SEC13: variants seen among roughly 807,000 people sequenced by gnomAD.
The protein encoded by SEC13 is SEC13 homolog, nuclear pore and COPII component.
In SEC13, 25 loss-of-function variants were observed where a neutral mutation model predicts 49.2. The observed-to-expected ratio is 0.51, with a 90% confidence interval of 0.37 to 0.71. The LOEUF is 0.71. Among genes scored for constraint, SEC13 ranks in the 30% least tolerant of loss-of-function variants. The pLI, the probability that SEC13 is intolerant of heterozygous loss-of-function variation, is 0.00. For synonymous variants in SEC13, 148 were observed against 163.9 expected (o/e 0.90, Z 0.74); for missense variants, 383 against 417.6 (o/e 0.92, Z 0.72).
intron 7 of SEC13, 113 bp from the exon 8 acceptor site, chr3:10,304,285 G>T (rs1417322829): frequency 1.9e-6 from 2 of 1,079,264 alleles, no homozygotes; most frequent in Non-Finnish European, 2.7e-6. Flanking sequence ...CAGGGTGGGG[G>T]ATTCAAAGGG....
chr3:10,310,215 G>T (rs1363745885), intron 5 of SEC13, among the ~76,000 whole-genome samples: 1 of 152,230 alleles, frequency 6.6e-6, no homozygotes, highest in Non-Finnish European at 1.5e-5. Context: ...TAAGGGCCGG[G>T]TGTGGTGGCT....
At chr3:10,308,378 ATTTTG>A (rs1701021716) in intron 5 of SEC13, among the ~76,000 whole-genome samples, 1 of 151,820 alleles carries the variant, frequency 6.6e-6, no homozygotes, top group Admixed American at 6.6e-5. Flanking sequence ...TCTTCATCTT[ATTTTG>A]TTAAGTCATT....
At chr3:10,319,069 CTT>C (rs2059716010) in intron 1 of SEC13, 1 of 1,404,992 alleles carries the variant, frequency 7.1e-7, no homozygotes, top group Admixed American at 2.4e-5. Context: ...CTCAACCACT[CTT>C]CTCTTAAATT....
At chr3:10,303,508 G>T (rs376545524) in intron 8 of SEC13, 1 of 199,156 alleles carries the variant, frequency 5.0e-6, no homozygotes, top group East Asian at 1.3e-4. Context: ...TCCCTGAGCA[G>T]CTGGTCTCCA....
intron 8 of SEC13, among the ~76,000 whole-genome samples, chr3:10,302,029 G>A (rs1348237033): frequency 6.6e-6 from 1 of 152,056 alleles, no homozygotes; most frequent in Non-Finnish European, 1.5e-5. Flanking sequence ...ATCACCTGAG[G>A]CCAGGAGTTC....
In SEC13 at chr3:10,302,426, C is replaced by T. The variant is rs566340497; in HGVS notation, c.856-1052G>A. 2.6e-5 allele frequency among the ~76,000 whole-genome samples: 4 copies of T among 152,226 alleles called. 1 individual carries two copies. Among genetic ancestry groups the T allele is most frequent in the African/African-American group, 9.6e-5 (4 of 41,522 alleles). On this transcript the variant is annotated intron_variant, in intron 8 of 8. Coordinates refer to ENST00000350697, the MANE Select transcript of SEC13 (RefSeq NM_183352.3). The stretch of plus-strand genomic sequence containing the variant: ...TTAGGTAAGGGTGCTATGGAGACAG[C>T]GAAAGGAAACAGGCTTGTAAAGAAG...
At chr3:10,311,732 C>A in intron 5 of SEC13, 1 of 1,385,724 alleles carries the variant, frequency 7.2e-7, no homozygotes, top group Non-Finnish European at 9.4e-7. Context: ...GCTGCTGCAC[C>A]AGCCCTCCCC....
chr3:10,301,807 A>G (rs1187631682), intron 8 of SEC13, among the ~76,000 whole-genome samples: 1 of 152,182 alleles, frequency 6.6e-6, no homozygotes, highest in Admixed American at 6.5e-5. Context: ...AGGTTTAACA[A>G]CACTGCAGTT....
chr3:10,304,150 G>A lies in SEC13; in HGVS notation c.731C>T (p.Thr244Ile). The change falls in exon 8 of 9, where the codon ACC becomes ATC. Residue 244 changes from threonine to isoleucine, a missense_variant. Coordinates refer to ENST00000350697, the MANE Select transcript of SEC13 (RefSeq NM_183352.3). ...CSQDGRVFIW[T>I]CDDASSNTWS... ...CGTATTGCTTGAGGCATCATCACAG[G>A]TCCAAATGAACACACGACCATCCTA... The A allele has an allele frequency of 6.2e-7, 1 of 1,614,112 alleles. No individual in the cohort carries two copies.
Position 10,315,440 on chromosome 3 carries a change from C to A in SEC13, c.49-4G>T. 1 of 1,285,620 alleles carries A rather than the reference C, an allele frequency of 7.8e-7. No homozygotes were observed. The highest frequency in any genetic ancestry group is 1.0e-6 in the Non-Finnish European group (1 of 974,478). 79.6% of individuals were successfully genotyped at this position (1,285,620 alleles called of 1,614,324 possible). A position where few individuals can be genotyped will look rare whatever the true frequency, so the allele number is the denominator to read the frequency against. ...AGTAGTCCATCTGGGCGTCGTGCTGCAAAGGGAGGACAGCTCGGGAAGCCT... is the reference window on the plus strand; with the variant it reads ...AGTAGTCCATCTGGGCGTCGTGCTGAAAAGGGAGGACAGCTCGGGAAGCCT... On this transcript the variant is annotated splice_region_variant and splice_polypyrimidine_tract_variant and intron_variant, in intron 2 of 8. Coordinates refer to ENST00000350697, the MANE Select transcript of SEC13 (RefSeq NM_183352.3).
chr3:10,305,862 CAACA>C (rs1700842632), intron 5 of SEC13, 170 bp from the exon 6 acceptor site: 4 of 607,322 alleles, frequency 6.6e-6, no homozygotes, highest in South Asian at 2.6e-5. Flanking sequence ...TCAAGGATCC[CAACA>C]GTGTGTGCAT....
chr3:10,313,091 G>C, intron 3 of SEC13: 1 of 243,870 alleles, frequency 4.1e-6, no homozygotes, highest in Non-Finnish European at 8.3e-6. Flanking sequence ...GAAGTGTTCA[G>C]GAAATATTTG....
chr3:10,301,421 C>T (rs747281275), intron 8 of SEC13, 47 bp from the exon 9 acceptor site: 3 of 1,611,178 alleles, frequency 1.9e-6, no homozygotes, highest in Non-Finnish European at 2.5e-6. Context: ...GTGCCCTTCC[C>T]TCTGCTGTCC....
intron 5 of SEC13, among the ~76,000 whole-genome samples, chr3:10,307,930 C>T (rs1275592019): frequency 6.6e-6 from 1 of 152,172 alleles, no homozygotes; most frequent in Non-Finnish European, 1.5e-5. Context: ...TATATTTATG[C>T]TGAAGTCTTT....
rs543537176 is a variant in SEC13, at chr3:10,301,147, C to T, written c.*114G>A. The T allele has an allele frequency of 6.2e-6, 10 of 1,613,902 alleles. No homozygotes were observed. The highest frequency in any genetic ancestry group is 1.7e-4 in the Middle Eastern group (1 of 6,060). On this transcript the variant is annotated 3_prime_UTR_variant, in exon 9 of 9. Coordinates refer to ENST00000350697, the MANE Select transcript of SEC13 (RefSeq NM_183352.3). ...ATCTGTGGCTGCATCTGTAACTCCT[C>T]CTGGGAAAATAATCCTGTTGGAGTT...
At chr3:10,308,932 G>GTTT (rs1701069553) in intron 5 of SEC13, among the ~76,000 whole-genome samples, 2 of 58,022 alleles carry the variant, frequency 3.4e-5, no homozygotes, top group African/African-American at 1.4e-4. Context: ...GCCTGGCCTT[G>GTTT]ATTTTTTTTT....
At chr3:10,302,732 C>A (rs1045434956) in intron 8 of SEC13, among the ~76,000 whole-genome samples, 3 of 152,218 alleles carry the variant, frequency 2.0e-5, no homozygotes, top group Non-Finnish European at 4.4e-5. Context: ...GATCTGCACA[C>A]CCATGTTCAC....
chr3:10,301,102 C>G lies in SEC13; in HGVS notation c.*159G>C. 1.4e-5 allele frequency: 23 copies of G among 1,613,264 alleles called. No homozygotes were observed. The highest frequency in any genetic ancestry group is 1.9e-5 in the Non-Finnish European group (23 of 1,179,874). On this transcript the variant is annotated 3_prime_UTR_variant, in exon 9 of 9. Coordinates refer to ENST00000350697, the MANE Select transcript of SEC13 (RefSeq NM_183352.3). ...CAGTAGATTACAAAGCATCTCCGATCACGTTAAGGCAGATGATCAATCTGT... is the reference window on the plus strand; with the variant it reads ...CAGTAGATTACAAAGCATCTCCGATGACGTTAAGGCAGATGATCAATCTGT...
intron 3 of SEC13, chr3:10,314,996 G>C (rs569259796): frequency 7.6e-6 from 2 of 261,484 alleles, no homozygotes; most frequent in East Asian, 9.0e-5. Context: ...AGCTGGATAG[G>C]AGGTAGCATT....
Sources: allele counts gnomAD v4.1 joint callset (sites outside exome capture counted in the v4.1 genomes callset), GRCh38; gene constraint gnomAD v4.1.1; transcripts MANE v1.5; gene names NCBI Gene and HGNC (gene_info 2026-07-23, HGNC 2026-07-21).